CLEC3A: variants seen among roughly 807,000 people sequenced by gnomAD.
The protein encoded by CLEC3A is C-type (calcium dependent, carbohydrate-recognition domain) lectin, superfamily member 1 (cartilage-derived).
A neutral mutation model predicts 20.4 loss-of-function variants in CLEC3A; 28 were observed. The ratio of observed to expected loss-of-function variants is 1.37; its 90% CI spans 1.02 to 1.88. CLEC3A has a LOEUF of 1.88. Ranked by LOEUF, CLEC3A falls within the 40% of genes most tolerant of loss-of-function variation. The pLI is 0.00. For synonymous variants in CLEC3A, 110 were observed against 88.1 expected (o/e 1.25, Z -1.39); for missense variants, 357 against 240.4 (o/e 1.48, Z -3.21).
In CLEC3A at chr16:78,031,899, T is replaced by TTTTG. The variant is rs1169506667; in HGVS notation, c.*1059_*1060insTTGT. 6.6e-6 allele frequency: 1 copy of TTTTG among 152,486 alleles called. No individual in the cohort carries two copies. Among genetic ancestry groups the TTTTG allele is most frequent in the Non-Finnish European group, 1.5e-5 (1 of 68,024 alleles). The allele number at this position is 152,486 out of a possible 1,614,324, so 9.4% of individuals were successfully genotyped here. A position where few individuals can be genotyped will look rare whatever the true frequency, so the allele number is the denominator to read the frequency against. ...AATAACTTCATTGCTTAATATCAAA[T>TTTTG]TACAAAGTTTAGACTTGGAGGGAAA... On this transcript the variant is annotated 3_prime_UTR_variant, in exon 3 of 3. Transcript: ENST00000299642.
chr16:78,025,003 A>T (rs2018794544), intron 1 of CLEC3A, among the ~76,000 whole-genome samples: 2 of 152,204 alleles, frequency 1.3e-5, no homozygotes, highest in Admixed American at 1.3e-4. Context: ...ATATTTGTAC[A>T]TACATCTTTT....
At chr16:78,030,070 G>A (rs1240735131) in intron 2 of CLEC3A, among the ~76,000 whole-genome samples, 1 of 148,118 alleles carries the variant, frequency 6.8e-6, no homozygotes, top group Non-Finnish European at 1.5e-5. Flanking sequence ...GGAGAATGGC[G>A]TGAATCCGGG....
At chr16:78,024,892 T>C (rs1303800054) in intron 1 of CLEC3A, among the ~76,000 whole-genome samples, 1 of 151,938 alleles carries the variant, frequency 6.6e-6, no homozygotes, top group African/African-American at 2.4e-5. Flanking sequence ...AGTGGTGTGA[T>C]CTCGGCTCAC....
intron 1 of CLEC3A, among the ~76,000 whole-genome samples, chr16:78,027,734 C>A (rs1287746961): frequency 6.6e-6 from 1 of 152,158 alleles, no homozygotes; most frequent in Non-Finnish European, 1.5e-5. Context: ...TTGCTCACTG[C>A]AACCTCTGCC....
intron 2 of CLEC3A, among the ~76,000 whole-genome samples, chr16:78,030,148 A>G: frequency 2.6e-5 from 2 of 76,966 alleles, no homozygotes; most frequent in East Asian, 4.4e-4. Context: ...GCGAGACTCC[A>G]ACTCAAAAAA....
In CLEC3A at chr16:78,030,752, C is replaced by T; in HGVS notation, c.505C>T (p.Leu169=). The change falls in exon 3 of 3, where the codon CTG becomes TTG. Residue 169 remains leucine (L), a synonymous_variant. Transcript: ENST00000299642. ...CGGTGGCAAGCGAGAAAACTGTGTC[C>T]TGTTCTCCCAATCAGCTCAGGGCAA... ...PNGGKRENCV[L]FSQSAQGKWS... is the part of the protein sequence containing the mutation. 6.2e-7 allele frequency: 1 copy of T among 1,614,138 alleles called. No homozygotes were observed. The highest frequency in any genetic ancestry group is 1.3e-5 in the African/African-American group (1 of 75,024).
chr16:78,024,298 G>A (rs907669881), intron 1 of CLEC3A, among the ~76,000 whole-genome samples: 7 of 152,068 alleles, frequency 4.6e-5, no homozygotes, highest in Non-Finnish European at 1.0e-4. Flanking sequence ...GTGTGAAGAG[G>A]GTCTGAACAT....
chr16:78,029,004 C>T, intron 2 of CLEC3A: 1 of 404,570 alleles, frequency 2.5e-6, no homozygotes, highest in Non-Finnish European at 4.9e-6. Flanking sequence ...CAGTCAAATG[C>T]TTATGCAGAA....
In CLEC3A at chr16:78,029,215, A is replaced by G. The variant is rs1404197571; in HGVS notation, c.199+1025A>G. The G allele has an allele frequency of 9.0e-6, 4 of 443,282 alleles. No homozygotes were observed. The East Asian group carries it at 2.8e-4, about 31-fold the overall frequency. 27.5% of individuals were successfully genotyped at this position (443,282 alleles called of 1,614,324 possible). A position where few individuals can be genotyped will look rare whatever the true frequency, so the allele number is the denominator to read the frequency against. On this transcript the variant is annotated intron_variant, in intron 2 of 2. Coordinates refer to ENST00000299642, the MANE Select transcript of CLEC3A (RefSeq NM_005752.6). ...GAGATGAGACCTAAACCCAGGCACT[A>G]TGGGCTCTGAGGCCTGACTCTCCAG...
At position 78,030,741 on chromosome 16, in the gene CLEC3A, A is replaced by G. The variant is rs1159795544; in HGVS notation, c.494A>G (p.Glu165Gly). Residue 165 changes from glutamate to glycine, a missense_variant, in exon 3 of 3, where the codon GAA becomes GGA. Transcript: ENST00000299642. ...DRAQPNGGKRENCVLFSQSAQ... is the reference protein window; with the variant it reads ...DRAQPNGGKRGNCVLFSQSAQ... The stretch of plus-strand genomic sequence containing the variant: ...GCACAGCCTAACGGTGGCAAGCGAG[A>G]AAACTGTGTCCTGTTCTCCCAATCA... 1 of 1,614,138 alleles carries G rather than the reference A, an allele frequency of 6.2e-7. No homozygotes were observed. The highest frequency in any genetic ancestry group is 8.5e-7 in the Non-Finnish European group (1 of 1,180,018).
intron 2 of CLEC3A, among the ~76,000 whole-genome samples, chr16:78,029,743 C>T (rs1381419811): frequency 6.6e-6 from 1 of 152,020 alleles, no homozygotes; most frequent in Non-Finnish European, 1.5e-5. Flanking sequence ...AGAAATCCAA[C>T]ACAGAGTAGC....
At chr16:78,025,527 TA>T (rs1281874745) in intron 1 of CLEC3A, among the ~76,000 whole-genome samples, 1 of 152,246 alleles carries the variant, frequency 6.6e-6, no homozygotes, top group Non-Finnish European at 1.5e-5. Context: ...CAACATCATA[TA>T]ATGGTTTTAC....
Position 78,022,640 on chromosome 16 carries a change from G to A in CLEC3A, c.14G>A (p.Gly5Glu). 1 of 1,614,122 alleles carries A rather than the reference G, an allele frequency of 6.2e-7. No individual in the cohort carries two copies. The highest frequency in any genetic ancestry group is 8.5e-7 in the Non-Finnish European group (1 of 1,180,014). MAKN[G>E]LVICILVITL... Reference sequence around the variant, plus strand: ...TGCCCCAGAGCCATGGCAAAGAATGGACTTGTAATTTGCATCCTGGTGATC... The same window carrying A: ...TGCCCCAGAGCCATGGCAAAGAATGAACTTGTAATTTGCATCCTGGTGATC... The change falls in exon 1 of 3, where the codon GGA becomes GAA. Residue 5 changes from glycine (G) to glutamate (E), a missense_variant. Physicochemically the swap from Gly to Glu is moderately conservative, Grantham distance 98 (BLOSUM62 -2). Coordinates refer to ENST00000299642, the MANE Select transcript of CLEC3A (RefSeq NM_005752.6).
At chr16:78,024,557 C>T (rs2018788770) in intron 1 of CLEC3A, among the ~76,000 whole-genome samples, 1 of 152,100 alleles carries the variant, frequency 6.6e-6, no homozygotes, top group Non-Finnish European at 1.5e-5. Flanking sequence ...AAATGTCATT[C>T]CCCCAGTATA....
At chr16:78,029,328 T>A (rs2142593978) in intron 2 of CLEC3A, among the ~76,000 whole-genome samples, 1 of 152,266 alleles carries the variant, frequency 6.6e-6, no homozygotes, top group Non-Finnish European at 1.5e-5. Context: ...CTTAAGAAAA[T>A]CCCTGTCTCT....
intron 1 of CLEC3A, among the ~76,000 whole-genome samples, chr16:78,027,883 T>G (rs2029971953): frequency 6.6e-6 from 1 of 152,256 alleles, no homozygotes; most frequent in South Asian, 2.1e-4. Flanking sequence ...CTCGAACTCC[T>G]GGCCTCAAGT....
chr16:78,025,091 G>A (rs1015242603), intron 1 of CLEC3A, among the ~76,000 whole-genome samples: 4 of 152,152 alleles, frequency 2.6e-5, no homozygotes, highest in African/African-American at 9.7e-5. Context: ...TTGCAGGCAT[G>A]AGCCATCATA....
At position 78,030,901 on chromosome 16, in the gene CLEC3A, T is replaced by C; in HGVS notation, c.*60T>C. Reference sequence around the variant, plus strand: ...TCATAACTTATAGGTTCATGATCTCTAAGATCAAGTAAAAATCATAATTTT... The same window carrying C: ...TCATAACTTATAGGTTCATGATCTCCAAGATCAAGTAAAAATCATAATTTT... On this transcript the variant is annotated 3_prime_UTR_variant, in exon 3 of 3. Coordinates refer to ENST00000299642, the MANE Select transcript of CLEC3A (RefSeq NM_005752.6). The C allele has an allele frequency of 2.7e-6, 4 of 1,478,246 alleles. No individual in the cohort carries two copies. In the South Asian group the frequency reaches 5.5e-5, roughly 20 times the overall value. 91.6% of individuals were successfully genotyped at this position (1,478,246 alleles called of 1,614,324 possible).
At chr16:78,025,606 A>G (rs1303019143) in intron 1 of CLEC3A, among the ~76,000 whole-genome samples, 2 of 152,170 alleles carry the variant, frequency 1.3e-5, no homozygotes, top group Non-Finnish European at 2.9e-5. Context: ...GCAACAGTAA[A>G]ATGAAAGGGA....
Sources: gnomAD v4.1 joint callset for allele counts (sites outside exome capture counted in the v4.1 genomes callset) on GRCh38, gnomAD v4.1.1 for gene constraint, MANE v1.5 for transcripts, NCBI Gene and HGNC (gene_info 2026-07-23, HGNC 2026-07-21) for gene names.